Variants in PPFIBP2 observed in about 807,000 individuals in gnomAD.
PPFIBP2 encodes PPFIB scaffold protein 2, also known as liprin-beta-2.
A neutral mutation model predicts 118.3 loss-of-function variants in PPFIBP2; 118 were observed. That is an observed-to-expected ratio of 1.00 (90% confidence interval 0.86 to 1.16). The LOEUF is 1.16. Ranked by LOEUF, PPFIBP2 falls within the 50% of genes most tolerant of loss-of-function variation. PPFIBP2 has a pLI of 0.00. For missense variants in PPFIBP2, 1,195 were observed against 1,073.1 expected, an observed-to-expected ratio of 1.11 and a Z score of -1.59; for synonymous variants, 414 against 397.4, an observed-to-expected ratio of 1.04 and a Z score of -0.50.
intron 3 of PPFIBP2, among the ~76,000 whole-genome samples, chr11:7,591,571 A>G (rs968623460): frequency 6.6e-6 from 1 of 152,090 alleles, no homozygotes; most frequent in South Asian, 2.1e-4. Flanking sequence ...ATTTAACAAC[A>G]ATAAACTGCC....
In PPFIBP2 at chr11:7,651,711, C is replaced by T. The variant is rs148592768; in HGVS notation, c.2303C>T (p.Pro768Leu). 8 of 1,613,872 alleles carry T rather than the reference C, an allele frequency of 5.0e-6. No individual in the cohort carries two copies. The highest frequency in any genetic ancestry group is 1.7e-5 in the Admixed American group (1 of 60,024). Residue 768 changes from proline (P) to leucine (L), a missense_variant, in exon 23 of 24, where the codon CCA (proline) becomes CTA (leucine). By Grantham distance (98) the Pro-to-Leu change is moderately conservative. Transcript: ENST00000299492. ...CTGGCTATGCTTCTCAACATCCCCC[C>T]ACAAAAGACGCTCCTCAGGCGCCAC... ...DTLAMLLNIP[P>L]QKTLLRRHLT...
At chr11:7,620,429 A>G (rs569288181) in intron 6 of PPFIBP2, among the ~76,000 whole-genome samples, 1 of 152,192 alleles carries the variant, frequency 6.6e-6, no homozygotes, top group South Asian at 2.1e-4. Context: ...TTTGGCATCT[A>G]TATTTGGCCC....
intron 1 of PPFIBP2, among the ~76,000 whole-genome samples, chr11:7,536,755 C>T (rs1851262107): frequency 6.6e-6 from 1 of 152,008 alleles, no homozygotes; most frequent in Non-Finnish European, 1.5e-5. Context: ...ACCTGGTTCC[C>T]CAGGCAGAGG....
downstream of PPFIBP2, among the ~76,000 whole-genome samples, chr11:7,658,289 C>A (rs1854809142): frequency 8.8e-6 from 1 of 113,986 alleles, no homozygotes; most frequent in Non-Finnish European, 1.7e-5. Context: ...GGTGCTATCC[C>A]TCCCCCCTCC....
chr11:7,642,106 A>C (rs746482799), intron 16 of PPFIBP2, 192 bp from the exon 17 acceptor site: 1 of 603,144 alleles, frequency 1.7e-6, no homozygotes, highest in Non-Finnish European at 2.7e-6. Context: ...CAGAGGCAGG[A>C]TCCGAATTGA....
In PPFIBP2 at chr11:7,641,542, G is replaced by T; in HGVS notation, c.1439G>T (p.Gly480Val). 6.2e-7 allele frequency: 1 copy of T among 1,613,564 alleles called. No individual in the cohort carries two copies. The highest frequency in any genetic ancestry group is 8.5e-7 in the Non-Finnish European group (1 of 1,179,426). ...AATGACCTCTCATCCACATCATCGG[G>T]CACTGAATCAGGTCCTCAGTCTCCT... ...VVNDLSSTSS[G>V]TESGPQSPLT... is the part of the protein sequence containing the mutation. The change falls in exon 16 of 24, where the codon GGC becomes GTC. Residue 480 changes from glycine to valine, a missense_variant. By Grantham distance (109) the Gly-to-Val change is moderately radical. Coordinates refer to ENST00000299492, the MANE Select transcript of PPFIBP2 (RefSeq NM_003621.5).
chr11:7,615,558 G>A (rs1688379468), intron 6 of PPFIBP2, among the ~76,000 whole-genome samples: 2 of 152,134 alleles, frequency 1.3e-5, no homozygotes, highest in Admixed American at 6.5e-5. Context: ...TGGAGGGAGG[G>A]GAGTAGCAAC....
At chr11:7,565,412 A>C in intron 2 of PPFIBP2, 141 bp from the exon 3 acceptor site, 1 of 807,358 alleles carries the variant, frequency 1.2e-6, no homozygotes, top group South Asian at 1.6e-5. Flanking sequence ...CTGAGACTAC[A>C]GGCGTGCACC....
At chr11:7,547,969 A>C (rs1852515358) in intron 1 of PPFIBP2, among the ~76,000 whole-genome samples, 1 of 152,104 alleles carries the variant, frequency 6.6e-6, no homozygotes, top group Admixed American at 6.5e-5. Context: ...TTTTGTTTAA[A>C]GTTTCCTCTG....
intron 14 of PPFIBP2, 43 bp from the exon 15 acceptor site, chr11:7,639,689 A>T (rs1164054158): frequency 6.2e-7 from 1 of 1,612,142 alleles, no homozygotes; most frequent in Non-Finnish European, 8.5e-7. Flanking sequence ...ACTGAGGCTG[A>T]CAGTTAAGTC....
At chr11:7,523,496 A>G (rs1483952113) in intron 1 of PPFIBP2, among the ~76,000 whole-genome samples, 2 of 152,160 alleles carry the variant, frequency 1.3e-5, no homozygotes, top group Non-Finnish European at 2.9e-5. Flanking sequence ...TTTATACCTC[A>G]TCTTGTTCTG....
chr11:7,597,961 G>A (rs983018852), intron 5 of PPFIBP2: 26 of 319,434 alleles, frequency 8.1e-5, no homozygotes, highest in African/African-American at 2.3e-4. Flanking sequence ...GTGAGGGAGC[G>A]CTCGGCTGGG....
chr11:7,623,508 C>T (rs1050372763), intron 7 of PPFIBP2, among the ~76,000 whole-genome samples: 9 of 152,180 alleles, frequency 5.9e-5, no homozygotes, highest in African/African-American at 2.2e-4. Context: ...TAGTTTCTGG[C>T]CTATTTCTGT....
intron 5 of PPFIBP2, among the ~76,000 whole-genome samples, chr11:7,608,430 C>A (rs12794760): frequency 0.089 from 13,595 of 152,098 alleles, 684 homozygotes; most frequent in Non-Finnish European, 0.1. Flanking sequence ...TACTGGAGAT[C>A]AGGAGTTCAA....
chr11:7,665,755 G>A, the PPFIBP2 span: 1 of 1,365,768 alleles, frequency 7.3e-7, no homozygotes, highest in Non-Finnish European at 9.9e-7. Context: ...GCTCACTGCA[G>A]GGACCCTGAA....
Position 7,560,241 on chromosome 11 carries a change from C to T in PPFIBP2, c.65-5312C>T, listed in dbSNP as rs148377586. ...AAAGGCCTGAATTCTTCCATATTGT[C>T]TAGCATCCTGTGGGGACTTTGAAAG... On this transcript the variant is annotated intron_variant, in intron 2 of 23. Transcript: ENST00000299492. Among the ~76,000 whole-genome samples, 838 of 152,314 alleles carry T rather than the reference C, an allele frequency of 5.5e-3. 6 individuals are homozygous for T. The highest frequency in any genetic ancestry group is 0.019 in the African/African-American group (799 of 41,564).
chr11:7,630,881 A>G, intron 10 of PPFIBP2, 44 bp from the exon 11 acceptor site: 1 of 1,406,208 alleles, frequency 7.1e-7, no homozygotes, highest in Non-Finnish European at 1.0e-6. Context: ...TAGGTTTCTG[A>G]ACATGAATTC....
chr11:7,653,774 T>G (rs1565136469), downstream of PPFIBP2: 3 of 1,193,194 alleles, frequency 2.5e-6, no homozygotes, highest in East Asian at 1.7e-4. Context: ...GCTCACCATA[T>G]CTTTAACTTT....
At chr11:7,608,292 CTG>C (rs1274518770) in intron 5 of PPFIBP2, among the ~76,000 whole-genome samples, 1 of 152,160 alleles carries the variant, frequency 6.6e-6, no homozygotes, top group Non-Finnish European at 1.5e-5. Flanking sequence ...GTTTGGGAAA[CTG>C]TGATACAATA....
Sources: allele counts gnomAD v4.1 joint callset (sites outside exome capture counted in the v4.1 genomes callset), GRCh38; gene constraint gnomAD v4.1.1; transcripts MANE v1.5; gene names NCBI Gene and HGNC (gene_info 2026-07-23, HGNC 2026-07-21).